The following MAS1 variants were observed in gnomAD, a reference collection of about 807,000 sequenced individuals.
MAS1 encodes the protein proto-oncogene Mas.
For missense variants in MAS1, 387 were observed against 409.7 expected (o/e 0.94, Z 0.48); for synonymous variants, 163 against 164.2 (o/e 0.99, Z 0.05).
Position 159,907,527 on chromosome 6 carries a change from T to C in MAS1, c.572T>C (p.Ile191Thr), listed in dbSNP as rs747870183. Reference protein sequence around the residue: ...RNDCRAVIIFIAILSFLVFTP... With the variant: ...RNDCRAVIIFTAILSFLVFTP... ...GACTGCCGAGCAGTCATCATCTTTA[T>C]AGCCATCCTGAGCTTCCTGGTCTTC... Residue 191 changes from isoleucine (I) to threonine (T), a missense_variant, in exon 3 of 3, where the codon ATA (isoleucine) becomes ACA (threonine). By Grantham distance (89) the Ile-to-Thr change is moderately conservative. Transcript: ENST00000674077. 6.2e-7 allele frequency: 1 copy of C among 1,613,974 alleles called. No individual in the cohort carries two copies. The highest frequency in any genetic ancestry group is 8.5e-7 in the Non-Finnish European group (1 of 1,180,034).
At chr6:159,905,330 C>T (rs769664690) in intron 2 of MAS1, among the ~76,000 whole-genome samples, 7 of 152,204 alleles carry the variant, frequency 4.6e-5, no homozygotes, top group Non-Finnish European at 8.8e-5. Context: ...ACAGGGCATG[C>T]GAGCTCTCAT....
At chr6:159,898,660 CTCCTCCTTCCTCTTCCTCCTCCTCCCTCT>C (rs1782787922) in intron 1 of MAS1, among the ~76,000 whole-genome samples, 4 of 103,984 alleles carry the variant, frequency 3.8e-5, no homozygotes, top group African/African-American at 6.9e-5. Context: ...CTCCTCCTCC[CTCCTCCTTCCTCTTCCTCCTCCTCCCTCT>C]TCCTCCTCCT....
At position 159,905,534 on chromosome 6, in the gene MAS1, C is replaced by T. The variant is rs562291683; in HGVS notation, c.-36-1386C>T. The stretch of plus-strand genomic sequence containing the variant: ...CATCGCTGGAAGGAAACACCTGTTT[C>T]ACCAACCCAAAGGCTACCTGCTGGT... On this transcript the variant is annotated intron_variant, in intron 2 of 2. Transcript: ENST00000674077. 1.1e-4 allele frequency among the ~76,000 whole-genome samples: 16 copies of T among 152,252 alleles called. No homozygotes were observed. The East Asian group carries it at 2.7e-3, about 26-fold the overall frequency.
Position 159,917,073 on chromosome 6 carries a change from T to G in MAS1, c.*9140T>G, listed in dbSNP as rs1223988388. The stretch of plus-strand genomic sequence containing the variant: ...GGACTTTGCCACCTCCAGCCTGGAG[T>G]GTTTTGGGAATTCCCCATTCTGAAA... On this transcript the variant is annotated 3_prime_UTR_variant, in exon 3 of 3. Transcript: ENST00000674077. Among the ~76,000 whole-genome samples the G allele has an allele frequency of 6.6e-6, 1 of 151,926 alleles. No individual in the cohort carries two copies. Among genetic ancestry groups the G allele is most frequent in the Non-Finnish European group, 1.5e-5 (1 of 67,976 alleles).
chr6:159,898,241 C>T (rs1019668918), intron 1 of MAS1, among the ~76,000 whole-genome samples: 2 of 151,834 alleles, frequency 1.3e-5, no homozygotes, highest in Non-Finnish European at 2.9e-5. Flanking sequence ...GACTTTAATT[C>T]CTTAAATAGG....
intron 1 of MAS1, among the ~76,000 whole-genome samples, chr6:159,897,790 A>C (rs1339997706): frequency 6.6e-6 from 1 of 152,022 alleles, no homozygotes; most frequent in Non-Finnish European, 1.5e-5. Flanking sequence ...CTCTTTGAAC[A>C]GGCAGGTGTG....
Position 159,909,182 on chromosome 6 carries a change from T to C in MAS1, c.*1249T>C, listed in dbSNP as rs1395344938. 5 of 152,206 alleles carry C rather than the reference T, an allele frequency of 3.3e-5. No homozygotes were observed. The highest frequency in any genetic ancestry group is 7.3e-5 in the Non-Finnish European group (5 of 68,048). The allele number at this position is 152,206 out of a possible 1,614,324, so 9.4% of individuals were successfully genotyped here. ...TCCAGACACTGCACGTCCTGGGTTT[T>C]AGCTGTGAAGCCCGTCGCATAGCTA... On this transcript the variant is annotated 3_prime_UTR_variant, in exon 3 of 3. Transcript: ENST00000674077.
intron 1 of MAS1, among the ~76,000 whole-genome samples, chr6:159,895,444 G>C (rs1562309075): frequency 6.6e-6 from 1 of 152,136 alleles, no homozygotes; most frequent in Non-Finnish European, 1.5e-5. Flanking sequence ...ATCCTTTCAT[G>C]TCTTTTATAA....
In MAS1 at chr6:159,915,192, G is replaced by A. The variant is rs374525017; in HGVS notation, c.*7259G>A. The A allele has an allele frequency of 3.3e-5, 5 of 152,266 alleles. No homozygotes were observed. Among genetic ancestry groups the A allele is most frequent in the Admixed American group, 1.3e-4 (2 of 15,292 alleles). 9.4% of individuals were successfully genotyped at this position (152,266 alleles called of 1,614,324 possible). A position where few individuals can be genotyped will look rare whatever the true frequency, so the allele number is the denominator to read the frequency against. On this transcript the variant is annotated 3_prime_UTR_variant, in exon 3 of 3. Coordinates refer to ENST00000674077, the MANE Select transcript of MAS1 (RefSeq NM_002377.4). ...CATTGACTGATGAGTTTTGAGCAAC[G>A]TATACAAAGAAACATTGTTCTCAAA...
At chr6:159,904,620 C>G (rs867788302) in intron 2 of MAS1, among the ~76,000 whole-genome samples, 1 of 152,198 alleles carries the variant, frequency 6.6e-6, no homozygotes, top group Admixed American at 6.5e-5. Flanking sequence ...CCTGCCATGG[C>G]CCCTAGAGTG....
intron 2 of MAS1, among the ~76,000 whole-genome samples, chr6:159,905,992 A>G (rs1452136588): frequency 6.6e-6 from 1 of 152,114 alleles, no homozygotes; most frequent in Non-Finnish European, 1.5e-5. Flanking sequence ...CAGTGAGCTA[A>G]CATCTCACCA....
intron 2 of MAS1, among the ~76,000 whole-genome samples, chr6:159,906,155 T>A (rs927380070): frequency 1.3e-5 from 2 of 152,164 alleles, no homozygotes; most frequent in Non-Finnish European, 2.9e-5. Context: ...AAAAAAAATT[T>A]TTTTGAGTGC....
At chr6:159,894,637 G>A (rs552630471) in intron 1 of MAS1, among the ~76,000 whole-genome samples, 1 of 152,206 alleles carries the variant, frequency 6.6e-6, no homozygotes, top group South Asian at 2.1e-4. Flanking sequence ...ATTGGGGAGG[G>A]GCTCGAGCCC....
intron 2 of MAS1, among the ~76,000 whole-genome samples, chr6:159,903,041 A>G (rs1782840656): frequency 6.6e-6 from 1 of 150,942 alleles, no homozygotes; most frequent in South Asian, 2.1e-4. Context: ...GATAACCCCA[A>G]AACTACACTG....
Position 159,916,399 on chromosome 6 carries a change from A to G in MAS1, c.*8466A>G, listed in dbSNP as rs763658949. On this transcript the variant is annotated 3_prime_UTR_variant, in exon 3 of 3. Transcript: ENST00000674077. ...AACTGAATTTCAGTTTGAGGAGATG[A>G]AAATGTTCTGGGGATCTATTGCACA... 3.3e-5 allele frequency: 5 copies of G among 152,186 alleles called. No individual in the cohort carries two copies. Among genetic ancestry groups the G allele is most frequent in the Non-Finnish European group, 7.3e-5 (5 of 68,032 alleles). The allele number at this position is 152,186 out of a possible 1,614,324, so 9.4% of individuals were successfully genotyped here. A position where few individuals can be genotyped will look rare whatever the true frequency, so the allele number is the denominator to read the frequency against.
rs911901650 is a variant in MAS1, at chr6:159,907,790, A to G, written c.835A>G (p.Ile279Val). 6.2e-7 allele frequency: 1 copy of G among 1,613,030 alleles called. No homozygotes were observed. Among genetic ancestry groups the G allele is most frequent in the Non-Finnish European group, 8.5e-7 (1 of 1,179,864 alleles). Reference protein sequence around the residue: ...STINSSANPFIYFFVGSSKKK... With the variant: ...STINSSANPFVYFFVGSSKKK... ...AATCAACAGTAGCGCCAACCCTTTCATTTACTTCTTTGTGGGAAGCAGTAA... is the reference window on the plus strand; with the variant it reads ...AATCAACAGTAGCGCCAACCCTTTCGTTTACTTCTTTGTGGGAAGCAGTAA... Residue 279 changes from isoleucine to valine, a missense_variant, in exon 3 of 3, where the codon ATT becomes GTT. Ile to Val is a conservative substitution (Grantham distance 29, BLOSUM62 3). Coordinates refer to ENST00000674077, the MANE Select transcript of MAS1 (RefSeq NM_002377.4).
rs1045842914 is a variant in MAS1, at chr6:159,914,141, G to C, written c.*6208G>C. 2 of 152,172 alleles carry C rather than the reference G, an allele frequency of 1.3e-5. No individual in the cohort carries two copies. The highest frequency in any genetic ancestry group is 2.9e-5 in the Non-Finnish European group (2 of 68,020). 9.4% of individuals were successfully genotyped at this position (152,172 alleles called of 1,614,324 possible). Reference sequence around the variant, plus strand: ...AAATTTCTCATGTTGCTTCTAGATTGTTTTCCAAATGTCATTTAGTTTTCT... The same window carrying C: ...AAATTTCTCATGTTGCTTCTAGATTCTTTTCCAAATGTCATTTAGTTTTCT... On this transcript the variant is annotated 3_prime_UTR_variant, in exon 3 of 3. Transcript: ENST00000674077.
In MAS1 at chr6:159,914,890, G is replaced by T. The variant is rs1263373204; in HGVS notation, c.*6957G>T. On this transcript the variant is annotated 3_prime_UTR_variant, in exon 3 of 3. Coordinates refer to ENST00000674077, the MANE Select transcript of MAS1 (RefSeq NM_002377.4). ...TCACCTTGGAAACCATGGATCTAGA[G>T]ACATTCTCTGAGTGACACTATGCCA... The T allele has an allele frequency of 6.6e-6, 1 of 152,220 alleles. No homozygotes were observed. Among genetic ancestry groups the T allele is most frequent in the Non-Finnish European group, 1.5e-5 (1 of 68,062 alleles). 9.4% of individuals were successfully genotyped at this position (152,220 alleles called of 1,614,324 possible).
In MAS1 at chr6:159,917,177, G is replaced by T. The variant is rs954285486; in HGVS notation, c.*9244G>T. Among the ~76,000 whole-genome samples, 4 of 152,294 alleles carry T rather than the reference G, an allele frequency of 2.6e-5. No homozygotes were observed. The highest frequency in any genetic ancestry group is 3.4e-3 in the Middle Eastern group (1 of 294). ...GGCAAATCTTCCTTGTTTCCTGGTG[G>T]ATTTAACTTTGCAGAAGGACCAGCA... On this transcript the variant is annotated 3_prime_UTR_variant, in exon 3 of 3. Coordinates refer to ENST00000674077, the MANE Select transcript of MAS1 (RefSeq NM_002377.4).
Sources: gnomAD v4.1 joint callset for allele counts (sites outside exome capture counted in the v4.1 genomes callset) on GRCh38, gnomAD v4.1.1 for gene constraint, MANE v1.5 for transcripts, NCBI Gene and HGNC (gene_info 2026-07-23, HGNC 2026-07-21) for gene names.